ARHGEF38: variants seen among roughly 807,000 people sequenced by gnomAD.
ARHGEF38 encodes Rho guanine nucleotide exchange factor 38.
ARHGEF38 carries 79 observed loss-of-function variants against 79.9 expected under a neutral mutation model. The ratio of observed to expected loss-of-function variants is 0.99; its 90% CI spans 0.82 to 1.19. The LOEUF is 1.19. Among genes scored for constraint, ARHGEF38 ranks in the 50% most tolerant of loss-of-function variants. The probability of loss-of-function intolerance (pLI) is 0.00; values close to 1 mark genes in which losing one functional copy is unlikely to be tolerated. For missense variants in ARHGEF38, 962 were observed against 907.2 expected, an observed-to-expected ratio of 1.06 and a Z score of -0.78; for synonymous variants, 366 against 328.3, an observed-to-expected ratio of 1.11 and a Z score of -1.24.
At chr4:105,629,531 A>T (rs1159000405) in intron 3 of ARHGEF38, among the ~76,000 whole-genome samples, 1 of 146,340 alleles carries the variant, frequency 6.8e-6, no homozygotes, top group Non-Finnish European at 1.5e-5. Context: ...ATAGGTCCAG[A>T]TCACTGTCAA....
chr4:105,645,257 C>T lies in ARHGEF38; in HGVS notation c.744C>T (p.Pro248=), dbSNP rs544936591. ...IKPIQRVMKY[P]LLLCELRNST... is the part of the protein sequence containing the mutation. Reference sequence around the variant, plus strand: ...CAATTCAACGTGTGATGAAATACCCCCTATTACTGTGCGAACTTCGGAATT... The same window carrying T: ...CAATTCAACGTGTGATGAAATACCCTCTATTACTGTGCGAACTTCGGAATT... The change falls in exon 6 of 14, where the codon CCC becomes CCT. Residue 248 remains proline, a synonymous_variant. Transcript: ENST00000420470. The T allele has an allele frequency of 2.0e-6, 3 of 1,536,612 alleles. No homozygotes were observed. The highest frequency in any genetic ancestry group is 2.6e-6 in the Non-Finnish European group (3 of 1,146,974).
At chr4:105,630,866 A>T (rs779775423) in intron 3 of ARHGEF38, 32 bp from the exon 4 acceptor site, 4 of 1,568,488 alleles carry the variant, frequency 2.6e-6, no homozygotes, top group African/African-American at 1.4e-5. Flanking sequence ...TTGTCTGATG[A>T]TGTCATTTTG....
chr4:105,647,559 G>A lies in ARHGEF38; in HGVS notation c.875-990G>A, dbSNP rs759497985. ...AACTTTGTATACTTGATTATGGAAA[G>A]CAGATTCTCTGCATGAACTTCCTGG... On this transcript the variant is annotated intron_variant, in intron 6 of 13. Coordinates refer to ENST00000420470, the MANE Select transcript of ARHGEF38 (RefSeq NM_001242729.2). Among the ~76,000 whole-genome samples the A allele has an allele frequency of 4.5e-4, 69 of 152,110 alleles. 1 individual carries two copies. Among genetic ancestry groups the A allele is most frequent in the Non-Finnish European group, 3.5e-4 (24 of 68,010 alleles).
intron 10 of ARHGEF38, 130 bp downstream of exon 10, chr4:105,659,495 A>G (rs530178332): frequency 3.2e-6 from 3 of 942,574 alleles, no homozygotes; most frequent in East Asian, 5.3e-5. Flanking sequence ...TATTTTAACT[A>G]AATCCAGTCA....
At chr4:105,681,288 TAAAA>T (rs563622125), downstream of ARHGEF38, among the ~76,000 whole-genome samples, 1 of 144,956 alleles carries the variant, frequency 6.9e-6, no homozygotes, top group Non-Finnish European at 1.5e-5. Context: ...AATCTTTCCT[TAAAA>T]AAAAAAAGAC....
intron 2 of ARHGEF38, among the ~76,000 whole-genome samples, chr4:105,598,958 C>T (rs774012623): frequency 6.6e-6 from 1 of 152,132 alleles, no homozygotes; most frequent in Non-Finnish European, 1.5e-5. Flanking sequence ...ATCTAACTGG[C>T]CTCTTTCTCA....
intron 8 of ARHGEF38, 46 bp downstream of exon 8, chr4:105,654,215 T>C (rs756538195): frequency 9.1e-6 from 10 of 1,103,256 alleles, no homozygotes; most frequent in South Asian, 1.8e-5. Flanking sequence ...GAACATCTGA[T>C]ACAAACCATT....
intron 13 of ARHGEF38, among the ~76,000 whole-genome samples, chr4:105,669,250 A>G (rs1182934114): frequency 6.7e-6 from 1 of 149,510 alleles, no homozygotes; most frequent in African/African-American, 2.5e-5. Context: ...AAACCTAAAT[A>G]GCTATCTTAT....
intron 2 of ARHGEF38, among the ~76,000 whole-genome samples, chr4:105,604,721 T>C (rs1727967116): frequency 6.6e-6 from 1 of 152,072 alleles, no homozygotes; most frequent in Non-Finnish European, 1.5e-5. Flanking sequence ...TTTGAGTATG[T>C]ACAGGAAGAA....
chr4:105,622,571 G>A (rs1383470462), intron 3 of ARHGEF38, among the ~76,000 whole-genome samples: 19 of 152,106 alleles, frequency 1.2e-4, no homozygotes, highest in Non-Finnish European at 1.5e-5. Context: ...TAAAAAGCTG[G>A]CCAACAGGGT....
At chr4:105,584,880 A>C (rs1391085939) in intron 1 of ARHGEF38, among the ~76,000 whole-genome samples, 1 of 152,102 alleles carries the variant, frequency 6.6e-6, no homozygotes, top group Non-Finnish European at 1.5e-5. Context: ...TCCTCCCCCA[A>C]CACCCCTTTG....
intron 5 of ARHGEF38, among the ~76,000 whole-genome samples, chr4:105,636,808 A>G (rs1337617035): frequency 1.3e-5 from 2 of 152,162 alleles, no homozygotes; most frequent in African/African-American, 2.4e-5. Context: ...AGATTAATGC[A>G]TAAGAAAAGA....
intron 1 of ARHGEF38, among the ~76,000 whole-genome samples, chr4:105,554,274 C>T (rs186034608): frequency 3.3e-5 from 5 of 152,020 alleles, no homozygotes; most frequent in Non-Finnish European, 7.4e-5. Flanking sequence ...TGTGATGCTG[C>T]GATTTGGGGT....
chr4:105,564,980 T>C (rs549450478), intron 1 of ARHGEF38, among the ~76,000 whole-genome samples: 3 of 152,338 alleles, frequency 2.0e-5, no homozygotes, highest in African/African-American at 7.2e-5. Context: ...ATAAAAACAT[T>C]TTCTGAAGTA....
In ARHGEF38 at chr4:105,567,678, A is replaced by T. The variant is rs1443207084; in HGVS notation, c.196+14717A>T. Among the ~76,000 whole-genome samples, 3 of 152,360 alleles carry T rather than the reference A, an allele frequency of 2.0e-5. No homozygotes were observed. In the East Asian group the frequency reaches 5.8e-4, roughly 29 times the overall value. On this transcript the variant is annotated intron_variant, in intron 1 of 13. Coordinates refer to ENST00000420470, the MANE Select transcript of ARHGEF38 (RefSeq NM_001242729.2). ...AGATTATACATATCTTGATGGTAAG[A>T]GCTGTTGTTTATTCATTTAATATAC... is the stretch of plus-strand genomic sequence containing the variant.
intron 1 of ARHGEF38, among the ~76,000 whole-genome samples, chr4:105,569,604 T>C (rs924625053): frequency 1.3e-5 from 2 of 152,220 alleles, no homozygotes; most frequent in Non-Finnish European, 2.9e-5. Flanking sequence ...ATTTTCATGC[T>C]TTATCTCAAT....
At chr4:105,666,632 A>G (rs1238704579) in intron 11 of ARHGEF38, among the ~76,000 whole-genome samples, 2 of 152,134 alleles carry the variant, frequency 1.3e-5, no homozygotes, top group African/African-American at 2.4e-5. Flanking sequence ...TAGTCCAGAC[A>G]TTTCCTTTTC....
At chr4:105,584,099 A>G (rs1230668282) in intron 1 of ARHGEF38, among the ~76,000 whole-genome samples, 1 of 152,228 alleles carries the variant, frequency 6.6e-6, no homozygotes, top group Non-Finnish European at 1.5e-5. Flanking sequence ...TGTGCAGACA[A>G]CAGCAGTGTC....
chr4:105,659,077 C>T lies in ARHGEF38; in HGVS notation c.1257C>T (p.Ile419=), dbSNP rs1038275071. The change falls in exon 10 of 14, where the codon ATC becomes ATT. Residue 419 remains isoleucine, a synonymous_variant. Transcript: ENST00000420470. ...AGGCATCTCACTTACAGAGACTCATCCTGACCCCCTTGTCAGCCCTGCTGT... is the reference window on the plus strand; with the variant it reads ...AGGCATCTCACTTACAGAGACTCATTCTGACCCCCTTGTCAGCCCTGCTGT... ...HDFASHLQRL[I]LTPLSALLSL... The T allele has an allele frequency of 4.6e-6, 7 of 1,535,632 alleles. No individual in the cohort carries two copies. Among genetic ancestry groups the T allele is most frequent in the Non-Finnish European group, 6.1e-6 (7 of 1,146,684 alleles).
Sources: gnomAD v4.1 joint callset for allele counts (sites outside exome capture counted in the v4.1 genomes callset) on GRCh38, gnomAD v4.1.1 for gene constraint, MANE v1.5 for transcripts, NCBI Gene and HGNC (gene_info 2026-07-23, HGNC 2026-07-21) for gene names.